BNC2: variants seen among roughly 807,000 people sequenced by gnomAD.
BNC2 encodes the protein basonuclin zinc finger protein 2.
Under a neutral mutation model 76.3 loss-of-function variants are expected in BNC2, and 20 were observed. The ratio of observed to expected loss-of-function variants is 0.26; its 90% CI spans 0.18 to 0.38. The LOEUF is 0.38. Among genes scored for constraint, BNC2 ranks in the 10% least tolerant of loss-of-function variants. The pLI is 1.00. For synonymous variants in BNC2, 582 were observed against 514.8 expected (o/e 1.13, Z -1.77); for missense variants, 1,382 against 1,399.8 (o/e 0.99, Z 0.20).
At chr9:16,469,004 T>C (rs1433969345) in intron 5 of BNC2, among the ~76,000 whole-genome samples, 1 of 152,254 alleles carries the variant, frequency 6.6e-6, no homozygotes. Context: ...TATATCTAGT[T>C]AAAATCTTGG....
At chr9:16,667,340 C>T (rs1822330110) in intron 3 of BNC2, among the ~76,000 whole-genome samples, 1 of 152,068 alleles carries the variant, frequency 6.6e-6, no homozygotes, top group Admixed American at 6.6e-5. Context: ...GAATAAAATC[C>T]ACAATCAAGC....
Position 16,571,189 on chromosome 9 carries a change from C to G in BNC2, c.433+11794G>C, listed in dbSNP as rs77584592. ...TTTACAGCTTGCACATACAGATGTT[C>G]ACACTTAGTAAAAGGGCTTCTTAAT... is the stretch of plus-strand genomic sequence containing the variant. On this transcript the variant is annotated intron_variant, in intron 4 of 6. Transcript: ENST00000380672. Among the ~76,000 whole-genome samples, 650 of 152,222 alleles carry G rather than the reference C, an allele frequency of 4.3e-3. 4 individuals are homozygous for G. The highest frequency in any genetic ancestry group is 5.2e-3 in the Non-Finnish European group (355 of 68,004).
chr9:16,851,365 G>C (rs552323895), intron 1 of BNC2, among the ~76,000 whole-genome samples: 6 of 152,012 alleles, frequency 3.9e-5, no homozygotes, highest in South Asian at 2.1e-4. Flanking sequence ...ACTTACCCAG[G>C]CATGATGGCT....
intron 1 of BNC2, among the ~76,000 whole-genome samples, chr9:16,788,141 G>A (rs1378149090): frequency 6.6e-6 from 1 of 152,146 alleles, no homozygotes; most frequent in Non-Finnish European, 1.5e-5. Context: ...TGAACTCTCT[G>A]ACTTCCAGTT....
At chr9:16,676,605 T>C (rs1822650519) in intron 3 of BNC2, among the ~76,000 whole-genome samples, 1 of 152,270 alleles carries the variant, frequency 6.6e-6, no homozygotes, top group African/African-American at 2.4e-5. Flanking sequence ...TGTAGTTAAG[T>C]TCTCAGGCCA....
chr9:16,655,510 A>C (rs1302921695), intron 3 of BNC2, among the ~76,000 whole-genome samples: 1 of 152,174 alleles, frequency 6.6e-6, no homozygotes, highest in Non-Finnish European at 1.5e-5. Context: ...GAAAAGTCTA[A>C]AAGGCCATAA....
chr9:16,783,304 C>T (rs1424909592), intron 1 of BNC2, among the ~76,000 whole-genome samples: 2 of 152,104 alleles, frequency 1.3e-5, no homozygotes, highest in Admixed American at 6.5e-5. Context: ...TCTTAACTCA[C>T]CATTCAAATT....
intron 3 of BNC2, among the ~76,000 whole-genome samples, chr9:16,661,936 A>T (rs895260699): frequency 2.0e-5 from 3 of 152,242 alleles, no homozygotes; most frequent in Non-Finnish European, 2.9e-5. Flanking sequence ...AAGACAAGTG[A>T]CAGAGCAGGT....
At chr9:16,756,222 G>A (rs1443490760) in intron 1 of BNC2, among the ~76,000 whole-genome samples, 3 of 152,094 alleles carry the variant, frequency 2.0e-5, no homozygotes, top group African/African-American at 4.8e-5. Context: ...ATCTTTTTAT[G>A]CCTACTCAAT....
intron 1 of BNC2, among the ~76,000 whole-genome samples, chr9:16,828,743 C>G (rs1443970267): frequency 6.6e-6 from 1 of 152,152 alleles, no homozygotes; most frequent in Admixed American, 6.5e-5. Context: ...CTTTTGTCCC[C>G]CTGGTTAGCT....
chr9:16,860,030 G>A (rs779341426), intron 1 of BNC2, among the ~76,000 whole-genome samples: 3 of 152,102 alleles, frequency 2.0e-5, no homozygotes, highest in African/African-American at 7.2e-5. Context: ...ACTCAGGCAG[G>A]GGAATTGCTT....
intron 3 of BNC2, among the ~76,000 whole-genome samples, chr9:16,632,871 T>G (rs1199396522): frequency 6.6e-6 from 1 of 152,184 alleles, no homozygotes. Flanking sequence ...CCTAAAGCAA[T>G]ACTCTTAGGG....
chr9:16,785,140 G>A (rs964775931), intron 1 of BNC2, among the ~76,000 whole-genome samples: 19 of 152,188 alleles, frequency 1.2e-4, no homozygotes, highest in African/African-American at 4.1e-4. Context: ...AAACCCACCT[G>A]TGCTGAACCC....
rs527839203 is a variant in BNC2 at position 16,597,037 on chromosome 9, ATTTCT to A, written c.331-13957_331-13953del. On this transcript the variant is annotated intron_variant, in intron 3 of 6. Transcript: ENST00000380672. ...ATCATAGGAACAACAAAAAGAAATC[ATTTCT>A]TTTTCTTTTTATAGAAGTGACACTG... Among the ~76,000 whole-genome samples the A allele has an allele frequency of 2.5e-4, 38 of 152,220 alleles. No homozygotes were observed. In the East Asian group the frequency reaches 6.7e-3, roughly 27 times the overall value.
At chr9:16,856,888 T>G (rs1586940044) in intron 1 of BNC2, among the ~76,000 whole-genome samples, 1 of 152,146 alleles carries the variant, frequency 6.6e-6, no homozygotes, top group East Asian at 1.9e-4. Flanking sequence ...ACAGGGAGAT[T>G]AGATACCACA....
intron 1 of BNC2, among the ~76,000 whole-genome samples, chr9:16,859,618 A>T (rs1396351698): frequency 6.6e-6 from 1 of 152,224 alleles, no homozygotes; most frequent in Non-Finnish European, 1.5e-5. Flanking sequence ...ACAAATATGT[A>T]CTGCATGATT....
chr9:16,555,944 T>C (rs1367309564), intron 4 of BNC2, among the ~76,000 whole-genome samples: 3 of 152,214 alleles, frequency 2.0e-5, no homozygotes, highest in Non-Finnish European at 4.4e-5. Flanking sequence ...TCTGTTGTTA[T>C]AGCAAGAAAG....
At chr9:16,475,038 G>A (rs1279721632) in intron 5 of BNC2, among the ~76,000 whole-genome samples, 1 of 152,144 alleles carries the variant, frequency 6.6e-6, no homozygotes, top group Non-Finnish European at 1.5e-5. Context: ...AATATTAAAA[G>A]GCTTTTCCAC....
intron 4 of BNC2, among the ~76,000 whole-genome samples, chr9:16,566,624 GTACACAGACTGAATCATAA>G (rs1819176905): frequency 6.6e-6 from 1 of 152,070 alleles, no homozygotes; most frequent in African/African-American, 2.4e-5. Flanking sequence ...TAATTGCAAG[GTACACAGACTGAATCATAA>G]TACACAGACT....
Sources: allele counts gnomAD v4.1 joint callset (sites outside exome capture counted in the v4.1 genomes callset), GRCh38; gene constraint gnomAD v4.1.1; transcripts MANE v1.5; gene names NCBI Gene and HGNC (gene_info 2026-07-23, HGNC 2026-07-21).